The following POC1B variants were observed in gnomAD, a reference collection of about 807,000 sequenced individuals.
The protein encoded by POC1B is POC1 centriolar protein B.
A neutral mutation model predicts 60.6 loss-of-function variants in POC1B; 44 were observed. The ratio of observed to expected loss-of-function variants is 0.73; its 90% CI spans 0.57 to 0.93. POC1B has a LOEUF of 0.93. Among genes scored for constraint, POC1B ranks in the 40% least tolerant of loss-of-function variants. The pLI, the probability that POC1B is intolerant of heterozygous loss-of-function variation, is 0.00. For synonymous variants in POC1B, 180 were observed against 198.9 expected (o/e 0.90, Z 0.80); for missense variants, 555 against 572.3 (o/e 0.97, Z 0.31).
chr12:89,428,741 A>C (rs977537760), intron 10 of POC1B: 12 of 152,202 alleles, frequency 7.9e-5, no homozygotes, highest in African/African-American at 2.4e-4. Context: ...TATTTTCAGT[A>C]GAGACGGGGT....
intron 4 of POC1B, among the ~76,000 whole-genome samples, chr12:89,484,087 T>G (rs952087825): frequency 6.6e-6 from 1 of 152,102 alleles, no homozygotes; most frequent in African/African-American, 2.4e-5. Flanking sequence ...CTGTGACAAG[T>G]TAAGGATACA....
At chr12:89,476,301 G>A (rs1356411169) in intron 4 of POC1B, among the ~76,000 whole-genome samples, 3 of 151,984 alleles carry the variant, frequency 2.0e-5, no homozygotes, top group African/African-American at 7.3e-5. Flanking sequence ...TTTTTAACTT[G>A]GAATCTACAG....
rs746026298 is a variant in POC1B at position 89,425,141 on chromosome 12, G to A, written c.1332+20C>T. The A allele has an allele frequency of 6.2e-7, 1 of 1,611,400 alleles. No homozygotes were observed. Among genetic ancestry groups the A allele is most frequent in the South Asian group, 1.1e-5 (1 of 90,974 alleles). The stretch of plus-strand genomic sequence containing the variant: ...TATTTTACCCCCAAGTGCAACTCAT[G>A]CAACCTGTGTCATGCCCACCTGTGT... On this transcript the variant is annotated intron_variant, in intron 11 of 11. Transcript: ENST00000313546.
At chr12:89,516,603 C>T (rs1870453223) in intron 2 of POC1B, among the ~76,000 whole-genome samples, 2 of 152,172 alleles carry the variant, frequency 1.3e-5, no homozygotes, top group African/African-American at 4.8e-5. Flanking sequence ...CCACCACTCT[C>T]AGAACAAAAT....
At chr12:89,521,077 T>A (rs752365691) in intron 2 of POC1B, 3 of 151,914 alleles carry the variant, frequency 2.0e-5, no homozygotes, top group Non-Finnish European at 1.5e-5. Flanking sequence ...GTAAACCACT[T>A]CAGGTGAGTT....
chr12:89,511,083 C>T (rs941537270), intron 2 of POC1B, among the ~76,000 whole-genome samples: 5 of 151,994 alleles, frequency 3.3e-5, no homozygotes, highest in African/African-American at 7.2e-5. Flanking sequence ...TAACTTTGTA[C>T]ATTTGAAATA....
the POC1B span, among the ~76,000 whole-genome samples, chr12:89,408,439 C>G: frequency 1.8e-4 from 27 of 152,004 alleles, no homozygotes; most frequent in African/African-American, 5.5e-4. Flanking sequence ...TAAAAGCGTT[C>G]CTATTTCTCC....
At chr12:89,461,944 T>A (rs1882500850) in intron 9 of POC1B, 1 of 152,120 alleles carries the variant, frequency 6.6e-6, no homozygotes, top group East Asian at 1.9e-4. Flanking sequence ...TACGTTTTAT[T>A]CTCTTTTATC....
rs1592651727 is a variant in POC1B, at chr12:89,523,032, T to C, written c.100+2088A>G. Reference sequence around the variant, plus strand: ...TTCCCACATAATTTTTTTGCTCAGGTACCTCTGCACATAACTCTGTCACAG... The same window carrying C: ...TTCCCACATAATTTTTTTGCTCAGGCACCTCTGCACATAACTCTGTCACAG... On this transcript the variant is annotated intron_variant, in intron 2 of 11. Transcript: ENST00000313546. 9 of 1,613,894 alleles carry C rather than the reference T, an allele frequency of 5.6e-6. No individual in the cohort carries two copies. The East Asian group carries it at 2.0e-4, about 36-fold the overall frequency.
chr12:89,523,065 C>T (rs1480364213), intron 2 of POC1B: 3 of 1,613,690 alleles, frequency 1.9e-6, no homozygotes, highest in Non-Finnish European at 2.5e-6. Flanking sequence ...CAGAATTAAA[C>T]CTTATTTCTT....
intron 10 of POC1B, among the ~76,000 whole-genome samples, chr12:89,450,647 TA>T (rs752496549): frequency 1.3e-5 from 2 of 152,150 alleles, no homozygotes; most frequent in African/African-American, 4.8e-5. Context: ...CACAAGTCAC[TA>T]AAAAATGAAA....
chr12:89,407,144 G>A, the POC1B span, among the ~76,000 whole-genome samples: 8,050 of 74,180 alleles, frequency 0.11, 320 homozygotes, highest in Non-Finnish European at 0.14. Context: ...GCGAGACTCC[G>A]TCTCAAAAAA....
At chr12:89,493,961 C>G (rs1164630185) in intron 3 of POC1B, among the ~76,000 whole-genome samples, 2 of 152,194 alleles carry the variant, frequency 1.3e-5, no homozygotes, top group African/African-American at 2.4e-5. Flanking sequence ...CTTGCCCTTT[C>G]AGCTAAATTC....
chr12:89,419,756 CA>C lies in POC1B; in HGVS notation c.*1396del, dbSNP rs146583241. Reference sequence around the variant, plus strand: ...GCAGAAATGTCTTTATTGTTTGAAGCATGACAAAATAAAATTGATAGGACAT... The same window carrying C: ...GCAGAAATGTCTTTATTGTTTGAAGCTGACAAAATAAAATTGATAGGACAT... On this transcript the variant is annotated 3_prime_UTR_variant, in exon 12 of 12. Coordinates refer to ENST00000313546, the MANE Select transcript of POC1B (RefSeq NM_172240.3). 1,051 of 152,252 alleles carry C rather than the reference CA, an allele frequency of 6.9e-3. 16 individuals carry two copies. The highest frequency in any genetic ancestry group is 0.025 in the African/African-American group (1,021 of 41,550). The allele number at this position is 152,252 out of a possible 1,614,324, so 9.4% of individuals were successfully genotyped here.
At chr12:89,461,612 A>T (rs772224327) in intron 9 of POC1B, 1 of 152,234 alleles carries the variant, frequency 6.6e-6, no homozygotes, top group Non-Finnish European at 1.5e-5. Context: ...ATAATTTTTA[A>T]AGCACTTACC....
At chr12:89,510,335 T>C (rs567484466) in intron 2 of POC1B, among the ~76,000 whole-genome samples, 2 of 152,324 alleles carry the variant, frequency 1.3e-5, no homozygotes, top group Admixed American at 6.5e-5. Flanking sequence ...CTCAACTCAA[T>C]GTCTGAAGTG....
At chr12:89,501,714 G>A (rs1429855952) in intron 2 of POC1B, 1 of 945,352 alleles carries the variant, frequency 1.1e-6, no homozygotes. Flanking sequence ...AATCAGAGGA[G>A]AGTCCTGTTT....
intron 10 of POC1B, among the ~76,000 whole-genome samples, chr12:89,452,705 A>G (rs372495967): frequency 2.2e-4 from 33 of 152,054 alleles, no homozygotes; most frequent in Middle Eastern, 3.4e-3. Context: ...GAAGGGGGGG[A>G]AAAGAAGCCT....
intron 9 of POC1B, among the ~76,000 whole-genome samples, chr12:89,463,007 A>T (rs1313651894): frequency 1.3e-5 from 2 of 152,198 alleles, no homozygotes; most frequent in African/African-American, 4.8e-5. Context: ...GATGTTTTCA[A>T]CCTTATTAGA....
Sources: gnomAD v4.1 joint callset for allele counts (sites outside exome capture counted in the v4.1 genomes callset) on GRCh38, gnomAD v4.1.1 for gene constraint, MANE v1.5 for transcripts, NCBI Gene and HGNC (gene_info 2026-07-23, HGNC 2026-07-21) for gene names.